Variants in TMEM181 observed in about 807,000 individuals in gnomAD.
TMEM181 encodes G protein-coupled receptor 178.
TMEM181 carries 39 observed loss-of-function variants against 71.9 expected under a neutral mutation model. That is an observed-to-expected ratio of 0.54 (90% CI 0.42 to 0.71). The LOEUF is 0.71. Ranked by LOEUF, TMEM181 falls within the 30% of genes least tolerant of loss-of-function variation. The pLI, the probability that TMEM181 is intolerant of heterozygous loss-of-function variation, is 0.00. For synonymous variants in TMEM181, 245 were observed against 228.8 expected (o/e 1.07, Z -0.64); for missense variants, 595 against 583.0 (o/e 1.02, Z -0.21).
intron 6 of TMEM181, among the ~76,000 whole-genome samples, chr6:158,590,306 GT>G: frequency 6.6e-6 from 1 of 151,630 alleles, no homozygotes; most frequent in East Asian, 1.9e-4. Context: ...TTGAGCCTCA[GT>G]TTTCTTATCT....
chr6:158,631,302 A>T, intron 15 of TMEM181, 21 bp from the exon 16 acceptor site: 1 of 1,613,946 alleles, frequency 6.2e-7, no homozygotes, highest in South Asian at 1.1e-5. Context: ...TTGAGATGCA[A>T]ATGCTCTTGT....
chr6:158,628,028 G>A (rs569806443), intron 13 of TMEM181, among the ~76,000 whole-genome samples: 1 of 152,288 alleles, frequency 6.6e-6, no homozygotes, highest in African/African-American at 2.4e-5. Context: ...GGCTTCCCTC[G>A]GGAGAGGGGC....
intron 5 of TMEM181, among the ~76,000 whole-genome samples, chr6:158,585,998 A>T (rs1173815410): frequency 6.6e-6 from 1 of 152,164 alleles, no homozygotes; most frequent in Non-Finnish European, 1.5e-5. Flanking sequence ...CTAATTTTCC[A>T]TGGTCACTCT....
At chr6:158,589,298 A>G (rs963089810) in intron 5 of TMEM181, among the ~76,000 whole-genome samples, 1 of 152,196 alleles carries the variant, frequency 6.6e-6, no homozygotes, top group Non-Finnish European at 1.5e-5. Context: ...CAGGGAGGAC[A>G]AATTAGGCCG....
intron 14 of TMEM181, 141 bp downstream of exon 14, chr6:158,628,631 G>C: frequency 1.4e-6 from 1 of 699,212 alleles, no homozygotes; most frequent in Non-Finnish European, 2.4e-6. Flanking sequence ...TCTGCTGAGA[G>C]GTGTCTCAGT....
At chr6:158,578,600 A>T (rs1783294348) in intron 2 of TMEM181, among the ~76,000 whole-genome samples, 1 of 152,178 alleles carries the variant, frequency 6.6e-6, no homozygotes. Context: ...TAGGTGCAGA[A>T]TTTTTACATA....
intron 10 of TMEM181, among the ~76,000 whole-genome samples, chr6:158,616,173 G>T (rs934561297): frequency 1.2e-4 from 18 of 152,284 alleles, no homozygotes; most frequent in African/African-American, 4.1e-4. Flanking sequence ...GCAGTGGTTT[G>T]TAGTTCTCCT....
chr6:158,587,493 A>G (rs961508468), intron 5 of TMEM181, among the ~76,000 whole-genome samples: 2 of 150,932 alleles, frequency 1.3e-5, no homozygotes, highest in Non-Finnish European at 2.9e-5. Flanking sequence ...CCACCCTCTT[A>G]TATTACTTTT....
At chr6:158,599,645 G>C (rs567898936) in intron 6 of TMEM181, among the ~76,000 whole-genome samples, 13 of 152,334 alleles carry the variant, frequency 8.5e-5, no homozygotes, top group African/African-American at 2.2e-4. Flanking sequence ...CCCACGGGAC[G>C]GAACGACCTC....
chr6:158,630,974 G>A (rs1265443433), intron 15 of TMEM181, among the ~76,000 whole-genome samples: 1 of 152,244 alleles, frequency 6.6e-6, no homozygotes, highest in Non-Finnish European at 1.5e-5. Flanking sequence ...CCAAGGACTG[G>A]GCGGGGGCAG....
At chr6:158,611,662 A>T (rs1785319404) in intron 10 of TMEM181, 1 of 291,268 alleles carries the variant, frequency 3.4e-6, no homozygotes, top group Non-Finnish European at 6.8e-6. Context: ...TGAATCAGGC[A>T]GCCTTTGGTG....
chr6:158,575,324 G>A (rs1783095828), intron 2 of TMEM181, among the ~76,000 whole-genome samples: 1 of 151,780 alleles, frequency 6.6e-6, no homozygotes, highest in Admixed American at 6.6e-5. Flanking sequence ...GACCCAGAAA[G>A]CCTTGTTAGT....
At chr6:158,579,216 G>A (rs1404406570) in intron 2 of TMEM181, among the ~76,000 whole-genome samples, 9 of 150,018 alleles carry the variant, frequency 6.0e-5, no homozygotes, top group Admixed American at 1.3e-4. Context: ...CCGAGATCAC[G>A]CTATTGTACT....
At chr6:158,573,162 C>T (rs1782969752) in intron 1 of TMEM181, among the ~76,000 whole-genome samples, 1 of 152,174 alleles carries the variant, frequency 6.6e-6, no homozygotes, top group African/African-American at 2.4e-5. Flanking sequence ...GGTTGGTGTG[C>T]TGCGTGCAGA....
rs1308174125 is a variant in TMEM181 at position 158,620,022 on chromosome 6, TGCTGTTCTCAGGCAATTG to T, written c.897-3521_897-3504del. Among the ~76,000 whole-genome samples the T allele has an allele frequency of 6.6e-6, 1 of 152,064 alleles. No individual in the cohort carries two copies. Among genetic ancestry groups the T allele is most frequent in the Non-Finnish European group, 1.5e-5 (1 of 68,020 alleles). ...CCCTGAGAATCTGAAAGTTAAAGGG[TGCTGTTCTCAGGCAATTG>T]GCTGTTATTATCTTGTTTGTATTGG... is the stretch of plus-strand genomic sequence containing the variant. On this transcript the variant is annotated intron_variant, in intron 10 of 16. Coordinates refer to ENST00000684151, the MANE Select transcript of TMEM181 (RefSeq NM_001376852.1). The surrounding 1 kb of genome is among the most constrained non-coding windows in gnomAD (Gnocchi z 4.5).
chr6:158,559,698 G>A (rs150494802), upstream of TMEM181, among the ~76,000 whole-genome samples: 7 of 152,300 alleles, frequency 4.6e-5, no homozygotes, highest in East Asian at 1.4e-3. Flanking sequence ...GGGGTCACAA[G>A]ACCCTTAGGG....
At chr6:158,611,984 C>CCTCA (rs1554228494) in intron 10 of TMEM181, among the ~76,000 whole-genome samples, 5 of 151,552 alleles carry the variant, frequency 3.3e-5, no homozygotes, top group Non-Finnish European at 7.4e-5. Context: ...ATACCCCCCC[C>CCTCA]ACCTCCTAGT....
Position 158,585,261 on chromosome 6 carries a change from G to A in TMEM181, c.260-43G>A, listed in dbSNP as rs550120392. On this transcript the variant is annotated intron_variant, in intron 4 of 16. Coordinates refer to ENST00000684151, the MANE Select transcript of TMEM181 (RefSeq NM_001376852.1). The stretch of plus-strand genomic sequence containing the variant: ...AGGAAGGCACCTTTGTAGGTGTGAT[G>A]TGCCTGGCATGGTCTCTAACACTGA... The A allele has an allele frequency of 3.8e-5, 58 of 1,536,306 alleles. No individual in the cohort carries two copies. The Admixed American group carries it at 5.8e-4, about 15-fold the overall frequency.
At chr6:158,602,638 C>G (rs1393824871) in intron 6 of TMEM181, among the ~76,000 whole-genome samples, 1 of 151,586 alleles carries the variant, frequency 6.6e-6, no homozygotes. Flanking sequence ...TGAGATGGGA[C>G]CTTGCTCTGT....
Sources: gnomAD v4.1 joint callset for allele counts (sites outside exome capture counted in the v4.1 genomes callset) on GRCh38, gnomAD v4.1.1 for gene constraint, Gnocchi (gnomAD v3.1) non-coding constraint, MANE v1.5 for transcripts, NCBI Gene and HGNC (gene_info 2026-07-23, HGNC 2026-07-21) for gene names.